The following CEP120 variants were observed in gnomAD, a reference collection of about 807,000 sequenced individuals.
The protein encoded by CEP120 is centrosomal protein of 120 kDa.
A neutral mutation model predicts 126.5 loss-of-function variants in CEP120; 113 were observed. That is an observed-to-expected ratio of 0.89 (90% CI 0.77 to 1.04). CEP120 has a LOEUF of 1.04. CEP120 is among the 50% of genes least tolerant of loss of function. The probability of loss-of-function intolerance (pLI) is 0.00; values close to 1 mark genes in which losing one functional copy is unlikely to be tolerated. For missense variants in CEP120, 1,230 were observed against 1,155.7 expected, an observed-to-expected ratio of 1.06 and a Z score of -0.93; for synonymous variants, 400 against 394.3, an observed-to-expected ratio of 1.01 and a Z score of -0.17.
intron 17 of CEP120, among the ~76,000 whole-genome samples, chr5:123,365,893 G>T (rs549472113): frequency 3.3e-4 from 50 of 151,368 alleles, no homozygotes; most frequent in African/African-American, 1.2e-3. Flanking sequence ...ATGAGGGTTA[G>T]GCCAGAGATG....
chr5:123,418,667 G>A, intron 1 of CEP120, 152 bp from the exon 2 acceptor site: 1 of 584,968 alleles, frequency 1.7e-6, no homozygotes, highest in Non-Finnish European at 2.7e-6. Context: ...CGCAATCTCA[G>A]CTCACTGCAA....
At chr5:123,418,600 T>C in intron 1 of CEP120, 85 bp from the exon 2 acceptor site, 4 of 116,202 alleles carry the variant, frequency 3.4e-5, no homozygotes, top group Non-Finnish European at 4.9e-5. Context: ...GTTTGGCTGG[T>C]TTTTTTTTTT....
chr5:123,410,929 T>C (rs1774017591), intron 4 of CEP120, among the ~76,000 whole-genome samples: 1 of 152,154 alleles, frequency 6.6e-6, no homozygotes, highest in African/African-American at 2.4e-5. Context: ...ATTTGTAAAA[T>C]ACATATCTGA....
In CEP120 at chr5:123,410,470, T is replaced by C. The variant is rs74455127; in HGVS notation, c.463+1929A>G. ...CTACAGTAATCAAAACAGTGTTGCATTGACAAACAAATAGACAAATAGATC... is the reference window on the plus strand; with the variant it reads ...CTACAGTAATCAAAACAGTGTTGCACTGACAAACAAATAGACAAATAGATC... On this transcript the variant is annotated intron_variant, in intron 4 of 19. Coordinates refer to ENST00000306467, the MANE Select transcript of CEP120 (RefSeq NM_001375405.1). Among the ~76,000 whole-genome samples, 86 of 152,266 alleles carry C rather than the reference T, an allele frequency of 5.6e-4. No homozygotes were observed. In the East Asian group the frequency reaches 7.9e-3, roughly 14 times the overall value.
In CEP120 at chr5:123,412,836, A is replaced by G. The variant is rs568405346; in HGVS notation, c.322-296T>C. On this transcript the variant is annotated intron_variant, in intron 3 of 19. Transcript: ENST00000306467. ...TATATTTCTTTCTACCTTTCGTCTT[A>G]TACCCTCAATCTCACTTCATCCCTT... Among the ~76,000 whole-genome samples, 2 of 152,346 alleles carry G rather than the reference A, an allele frequency of 1.3e-5. 1 individual carries two copies. Among genetic ancestry groups the G allele is most frequent in the South Asian group, 4.1e-4 (2 of 4,832 alleles).
chr5:123,375,354 A>T (rs1267274511), intron 16 of CEP120, among the ~76,000 whole-genome samples: 1 of 151,680 alleles, frequency 6.6e-6, no homozygotes, highest in East Asian at 1.9e-4. Flanking sequence ...ACACCGTCTC[A>T]TTCGGTTGCT....
chr5:123,403,671 G>C (rs1773435546), intron 4 of CEP120: 1 of 400,436 alleles, frequency 2.5e-6, no homozygotes, highest in South Asian at 1.9e-5. Context: ...TCAGAAATAG[G>C]ACAAATCAAA....
chr5:123,374,915 C>G (rs746900153), intron 16 of CEP120, among the ~76,000 whole-genome samples: 1 of 152,048 alleles, frequency 6.6e-6, no homozygotes, highest in Non-Finnish European at 1.5e-5. Flanking sequence ...GGCTCTTTTT[C>G]CTTTGCTAAG....
Position 123,393,489 on chromosome 5 carries a change from T to C in CEP120, c.621A>G (p.Pro207=), listed in dbSNP as rs754583755. Residue 207 remains proline, a synonymous_variant, in exon 6 of 20, where the codon CCA becomes CCG. Coordinates refer to ENST00000306467, the MANE Select transcript of CEP120 (RefSeq NM_001375405.1). ...GTCTTTCTGGAAGTTTCATGGTACA[T>C]GGAATTAACTAAACATTTCAGGAAA... ...AFATQLEQLI[P]CTMKLPERQP... is the part of the protein sequence containing the mutation. 6 of 1,612,792 alleles carry C rather than the reference T, an allele frequency of 3.7e-6. No homozygotes were observed. The highest frequency in any genetic ancestry group is 2.7e-5 in the African/African-American group (2 of 74,912).
At chr5:123,365,314 AACTTGGCTATGTTTTGGAATGT>A (rs1478732263) in intron 17 of CEP120, among the ~76,000 whole-genome samples, 18 of 151,742 alleles carry the variant, frequency 1.2e-4, no homozygotes, top group Non-Finnish European at 1.5e-4. Context: ...AACTGAAGCC[AACTTGGCTATGTTTTGGAATGT>A]ACTCAGTGTT....
At chr5:123,362,264 T>TACC (rs1770138319) in intron 18 of CEP120, among the ~76,000 whole-genome samples, 1 of 151,772 alleles carries the variant, frequency 6.6e-6, no homozygotes, top group Non-Finnish European at 1.5e-5. Context: ...TCTTAGGATA[T>TACC]ACCAACTCAC....
At chr5:123,389,689 G>A (rs1302328933) in intron 8 of CEP120, among the ~76,000 whole-genome samples, 4 of 152,134 alleles carry the variant, frequency 2.6e-5, no homozygotes, top group East Asian at 3.9e-4. Context: ...TAGTAGAGAC[G>A]GGATTTCTCT....
Position 123,377,375 on chromosome 5 carries a change from T to A in CEP120, c.2357A>T (p.Gln786Leu), listed in dbSNP as rs780022174. ...AAGATGACAAGTACGTTATCCAACC[T>A]GTTGCTGAAGGCGGTGTTTATCCTC... is the stretch of plus-strand genomic sequence containing the variant. ...LEEDKHRLQQ[Q>L]LNDAENKYKI... is the part of the protein sequence containing the mutation. The change falls in exon 16 of 20, where the codon CAG (glutamine) becomes CTG (leucine). Residue 786 changes from glutamine to leucine, a missense_variant and splice_region_variant. By Grantham distance (113) the Gln-to-Leu change is moderately radical. Transcript: ENST00000306467. 4 of 1,606,570 alleles carry A rather than the reference T, an allele frequency of 2.5e-6. No individual in the cohort carries two copies. Among genetic ancestry groups the A allele is most frequent in the Admixed American group, 1.7e-5 (1 of 57,756 alleles).
chr5:123,390,092 T>G lies in CEP120; in HGVS notation c.1087A>C (p.Lys363Gln). The G allele has an allele frequency of 6.2e-7, 1 of 1,614,132 alleles. No individual in the cohort carries two copies. Among genetic ancestry groups the G allele is most frequent in the Non-Finnish European group, 8.5e-7 (1 of 1,179,984 alleles). The part of the protein sequence containing the change: ...TQNEHEPEHS[K>Q]KKVLTPIKEK... ...TTTATGGGGGTTAAAACTTTCTTCTTTGAATGCTCTGGCTCATGTTCATTC... is the reference window on the plus strand; with the variant it reads ...TTTATGGGGGTTAAAACTTTCTTCTGTGAATGCTCTGGCTCATGTTCATTC... Residue 363 changes from lysine to glutamine, a missense_variant, in exon 8 of 20, where the codon AAG becomes CAG. By Grantham distance (53) the Lys-to-Gln change is moderately conservative (BLOSUM62 1). Transcript: ENST00000306467.
At position 123,391,226 on chromosome 5, in the gene CEP120, C is replaced by G. The variant is rs772046806; in HGVS notation, c.922G>C (p.Ala308Pro). Residue 308 changes from alanine (A) to proline (P), a missense_variant, in exon 7 of 20, where the codon GCT becomes CCT. Transcript: ENST00000306467. ...CTGTTTGGAGGGTCAAGGGTAAAAG[C>G]ACCTTCGACTGTGACTGGGTGCTGG... ...INQHPVTVEG[A>P]FTLDPPNRAK... 5.0e-6 allele frequency: 8 copies of G among 1,614,148 alleles called. No individual in the cohort carries two copies. The South Asian group carries it at 8.8e-5, about 18-fold the overall frequency.
At chr5:123,354,702 G>A (rs907333993) in intron 18 of CEP120, among the ~76,000 whole-genome samples, 1 of 151,624 alleles carries the variant, frequency 6.6e-6, no homozygotes, top group Non-Finnish European at 1.5e-5. Flanking sequence ...ATTAAGTATC[G>A]CTAGACCAGC....
intron 1 of CEP120, chr5:123,422,324 TC>T: frequency 1.6e-6 from 1 of 606,286 alleles, no homozygotes; most frequent in Non-Finnish European, 2.9e-6. Flanking sequence ...GTCTTCCACA[TC>T]CTGATGAATT....
In CEP120 at chr5:123,389,948, T is replaced by G; in HGVS notation, c.1231A>C (p.Lys411Gln). The G allele has an allele frequency of 6.2e-7, 1 of 1,614,154 alleles. No homozygotes were observed. Among genetic ancestry groups the G allele is most frequent in the Non-Finnish European group, 8.5e-7 (1 of 1,179,986 alleles). Reference sequence around the variant, plus strand: ...CCTTTTGGATTTGGTTTGGTGTCCTTATCATACTGTAAACTTTCCACTTCA... The same window carrying G: ...CCTTTTGGATTTGGTTTGGTGTCCTGATCATACTGTAAACTTTCCACTTCA... ...ESEVESLQYD[K>Q]DTKPNPKASS... Residue 411 changes from lysine (K) to glutamine (Q), a missense_variant, in exon 8 of 20, where the codon AAG becomes CAG. Physicochemically the swap from Lys to Gln is moderately conservative, Grantham distance 53. Transcript: ENST00000306467.
At chr5:123,377,581 A>G (rs763735917) in intron 15 of CEP120, 46 bp from the exon 16 acceptor site, 1 of 1,432,552 alleles carries the variant, frequency 7.0e-7, no homozygotes, top group Non-Finnish European at 9.5e-7. Flanking sequence ...TGCTAGCTGC[A>G]TTATACTATT....
Sources: gnomAD v4.1 joint callset for allele counts (sites outside exome capture counted in the v4.1 genomes callset) on GRCh38, gnomAD v4.1.1 for gene constraint, MANE v1.5 for transcripts, NCBI Gene and HGNC (gene_info 2026-07-23, HGNC 2026-07-21) for gene names.